The following DNAJC10 variants were observed in gnomAD, a reference collection of about 807,000 sequenced individuals.
DNAJC10 encodes DnaJ heat shock protein family (Hsp40) member C10, also known as endoplasmic reticulum disulfide reductase DNAJC10.
A neutral mutation model predicts 115.0 loss-of-function variants in DNAJC10; 101 were observed. The ratio of observed to expected loss-of-function variants is 0.88; its 90% CI spans 0.75 to 1.04. The LOEUF is 1.04. Ranked by LOEUF, DNAJC10 falls within the 50% of genes least tolerant of loss-of-function variation. DNAJC10 has a pLI of 0.00. For missense variants in DNAJC10, 981 were observed against 928.8 expected (o/e 1.06, Z -0.73); for synonymous variants, 307 against 301.5 (o/e 1.02, Z -0.19).
Position 182,732,508 on chromosome 2 carries a change from C to A in DNAJC10, c.815C>A (p.Thr272Asn). The A allele has an allele frequency of 6.2e-7, 1 of 1,613,524 alleles. No individual in the cohort carries two copies. Among genetic ancestry groups the A allele is most frequent in the Non-Finnish European group, 8.5e-7 (1 of 1,179,560 alleles). Residue 272 changes from threonine (T) to asparagine (N), a missense_variant, in exon 10 of 24, where the codon ACT becomes AAT. By Grantham distance (65) the Thr-to-Asn change is moderately conservative. Transcript: ENST00000264065. ...GTTTTTTTGTCCCCAGATTGTTTGA[C>A]TTCACAGACACGACTCAGGCTTAGT... ...TFCSKGGDCL[T>N]SQTRLRLSGM...
chr2:182,751,931 G>A, intron 15 of DNAJC10, 141 bp from the exon 16 acceptor site: 2 of 1,213,548 alleles, frequency 1.6e-6, no homozygotes, highest in South Asian at 1.4e-5. Flanking sequence ...TTTTAAATGA[G>A]TGCTAATGTA....
At chr2:182,762,864 T>G in intron 22 of DNAJC10, 63 bp downstream of exon 22, 2 of 1,526,638 alleles carry the variant, frequency 1.3e-6, no homozygotes, top group Non-Finnish European at 1.8e-6. Context: ...TGTGTTTCAG[T>G]CTGAGTAATG....
Position 182,778,607 on chromosome 2 carries a change from G to T in DNAJC10, c.*1475G>T, listed in dbSNP as rs568095955. ...TGCTCACCAGTATTTCCTCATAAGGGTTATTATAGCCATAATTAATGTTAA... is the reference window on the plus strand; with the variant it reads ...TGCTCACCAGTATTTCCTCATAAGGTTTATTATAGCCATAATTAATGTTAA... On this transcript the variant is annotated 3_prime_UTR_variant, in exon 24 of 24. Coordinates refer to ENST00000264065, the MANE Select transcript of DNAJC10 (RefSeq NM_018981.4). 1.3e-5 allele frequency: 2 copies of T among 151,918 alleles called. No homozygotes were observed. Among genetic ancestry groups the T allele is most frequent in the South Asian group, 2.1e-4 (1 of 4,808 alleles). 9.4% of individuals were successfully genotyped at this position (151,918 alleles called of 1,614,324 possible). A position where few individuals can be genotyped will look rare whatever the true frequency, so the allele number is the denominator to read the frequency against.
chr2:182,746,137 T>C (rs1693859554), intron 14 of DNAJC10, among the ~76,000 whole-genome samples: 2 of 152,222 alleles, frequency 1.3e-5, no homozygotes, highest in African/African-American at 4.8e-5. Context: ...AGTCTATCAT[T>C]GTTGGACATT....
intron 22 of DNAJC10, among the ~76,000 whole-genome samples, chr2:182,763,764 A>G (rs1389162598): frequency 6.6e-6 from 1 of 152,094 alleles, no homozygotes; most frequent in Non-Finnish European, 1.5e-5. Context: ...CTCTTCTTTA[A>G]TTCTTAGCAC....
At chr2:182,752,445 A>G (rs1047680103) in intron 16 of DNAJC10, 3 of 370,204 alleles carry the variant, frequency 8.1e-6, no homozygotes, top group South Asian at 1.2e-4. Context: ...CATTAACTTC[A>G]TAAAATGCTT....
chr2:182,758,845 A>G lies in DNAJC10; in HGVS notation c.1952A>G (p.Asn651Ser), dbSNP rs764242093. The G allele has an allele frequency of 1.5e-5, 24 of 1,606,532 alleles. No homozygotes were observed. In the Middle Eastern group the frequency reaches 5.0e-4, roughly 33 times the overall value. The change falls in exon 20 of 24, where the codon AAT becomes AGT. Residue 651 changes from asparagine (N) to serine (S), a missense_variant. Transcript: ENST00000264065. The stretch of plus-strand genomic sequence containing the variant: ...ATTTTTTCTTCTCTCAGCAGTTACA[A>G]TGGTTGGAATAGGGATGCTTATTCC... Reference protein sequence around the residue: ...SNKAYHYHSYNGWNRDAYSLR... With the variant: ...SNKAYHYHSYSGWNRDAYSLR...
chr2:182,730,161 G>C (rs1482922275), intron 8 of DNAJC10, among the ~76,000 whole-genome samples: 1 of 152,132 alleles, frequency 6.6e-6, no homozygotes, highest in Non-Finnish European at 1.5e-5. Context: ...ATGGGAAATG[G>C]ATATGAGATA....
At chr2:182,769,177 A>AG (rs1401187151) in intron 22 of DNAJC10, among the ~76,000 whole-genome samples, 5 of 152,150 alleles carry the variant, frequency 3.3e-5, no homozygotes, top group African/African-American at 1.2e-4. Flanking sequence ...ATGGCTGCAT[A>AG]GTATTCCATG....
chr2:182,778,360 A>G lies in DNAJC10; in HGVS notation c.*1228A>G, dbSNP rs1479562607. ...TCAAGTATATAAATCTAGGAAAGGGATCTTCTAGTTTCTGTGTTGTTTAGA... is the reference window on the plus strand; with the variant it reads ...TCAAGTATATAAATCTAGGAAAGGGGTCTTCTAGTTTCTGTGTTGTTTAGA... On this transcript the variant is annotated 3_prime_UTR_variant, in exon 24 of 24. Coordinates refer to ENST00000264065, the MANE Select transcript of DNAJC10 (RefSeq NM_018981.4). 7.9e-5 allele frequency: 12 copies of G among 152,090 alleles called. No individual in the cohort carries two copies. Among genetic ancestry groups the G allele is most frequent in the Admixed American group, 7.9e-4 (12 of 15,244 alleles). The allele number at this position is 152,090 out of a possible 1,614,324, so 9.4% of individuals were successfully genotyped here.
At chr2:182,724,154 C>G (rs1693224203) in intron 5 of DNAJC10, among the ~76,000 whole-genome samples, 1 of 152,058 alleles carries the variant, frequency 6.6e-6, no homozygotes, top group Non-Finnish European at 1.5e-5. Context: ...GTAAGGATTG[C>G]GGGGATTAAA....
At chr2:182,748,923 C>T (rs1201583756) in intron 14 of DNAJC10, among the ~76,000 whole-genome samples, 1 of 151,772 alleles carries the variant, frequency 6.6e-6, no homozygotes, top group Non-Finnish European at 1.5e-5. Context: ...ACCCAGTAGT[C>T]ATTCAGGAGC....
chr2:182,763,458 C>T (rs370145514), intron 22 of DNAJC10, among the ~76,000 whole-genome samples: 1 of 152,096 alleles, frequency 6.6e-6, no homozygotes, highest in East Asian at 1.9e-4. Flanking sequence ...CAGCATTCAT[C>T]CGCACAGTAT....
In DNAJC10 at chr2:182,787,169, C is replaced by T. The variant is rs1369791034; in HGVS notation, c.*10037C>T. On this transcript the variant is annotated 3_prime_UTR_variant, in exon 24 of 24. Transcript: ENST00000264065. The stretch of plus-strand genomic sequence containing the variant: ...GAAAAAAATCAGTTTTGCAGTTCCA[C>T]TGGTCAGGTGAATGCCAGAGGAGCT... 1 of 152,242 alleles carries T rather than the reference C, an allele frequency of 6.6e-6. No homozygotes were observed. Among genetic ancestry groups the T allele is most frequent in the African/African-American group, 2.4e-5 (1 of 41,458 alleles). 9.4% of individuals were successfully genotyped at this position (152,242 alleles called of 1,614,324 possible).
intron 12 of DNAJC10, among the ~76,000 whole-genome samples, chr2:182,740,754 G>T (rs961312353): frequency 2.0e-5 from 3 of 152,154 alleles, no homozygotes; most frequent in African/African-American, 7.2e-5. Flanking sequence ...ATAGAATGCT[G>T]AGAAATATTG....
At chr2:182,740,497 G>A (rs963197110) in intron 12 of DNAJC10, 109 bp downstream of exon 12, 8 of 1,073,810 alleles carry the variant, frequency 7.5e-6, no homozygotes, top group African/African-American at 3.4e-5. Flanking sequence ...AGAATTGAAA[G>A]TAGCAGTTTC....
chr2:182,753,579 G>GT (rs56151760), intron 16 of DNAJC10, among the ~76,000 whole-genome samples: 1,119 of 99,350 alleles, frequency 0.011, 59 homozygotes, highest in South Asian at 0.027. Context: ...CTTTAGTTTA[G>GT]TTTTTTTTTT....
At chr2:182,766,562 T>C (rs569794655) in intron 22 of DNAJC10, among the ~76,000 whole-genome samples, 6 of 152,272 alleles carry the variant, frequency 3.9e-5, no homozygotes, top group African/African-American at 1.4e-4. Context: ...GCTTTCTTGC[T>C]ACCCACAGAG....
At chr2:182,776,901 A>G (rs1694720891) in intron 23 of DNAJC10, among the ~76,000 whole-genome samples, 1 of 152,208 alleles carries the variant, frequency 6.6e-6, no homozygotes, top group African/African-American at 2.4e-5. Context: ...GTAAACCTAT[A>G]TAGTTAGTAA....
Sources: allele counts gnomAD v4.1 joint callset (sites outside exome capture counted in the v4.1 genomes callset), GRCh38; gene constraint gnomAD v4.1.1; transcripts MANE v1.5; gene names NCBI Gene and HGNC (gene_info 2026-07-23, HGNC 2026-07-21).